CGN: variants seen among roughly 807,000 people sequenced by gnomAD.
The protein encoded by CGN is cingulin.
Under a neutral mutation model 157.1 loss-of-function variants are expected in CGN, and 121 were observed. The observed-to-expected ratio is 0.77, with a 90% confidence interval of 0.66 to 0.90. The LOEUF (loss-of-function observed/expected upper bound fraction) is 0.90, where lower values mean the gene tolerates loss of function less well. Among genes scored for constraint, CGN ranks in the 40% least tolerant of loss-of-function variants. CGN has a pLI of 0.00. For synonymous variants in CGN, 535 were observed against 607.5 expected, an observed-to-expected ratio of 0.88 and a Z score of 1.76; for missense variants, 1,424 against 1,520.9, an observed-to-expected ratio of 0.94 and a Z score of 1.06.
In CGN at chr1:151,530,673, T is replaced by G; in HGVS notation, c.2498T>G (p.Leu833Arg). 1 of 1,567,674 alleles carries G rather than the reference T, an allele frequency of 6.4e-7. No individual in the cohort carries two copies. Among genetic ancestry groups the G allele is most frequent in the Admixed American group, 1.9e-5 (1 of 52,222 alleles). Residue 833 changes from leucine (L) to arginine (R), a missense_variant, in exon 13 of 21, where the codon CTC becomes CGC. By Grantham distance (102) the Leu-to-Arg change is moderately radical. Around this residue, in one of 3 missense-constraint regions of CGN, gnomAD observed 1,187 missense variants for 1,217.6 expected, o/e 0.97. Coordinates refer to ENST00000271636, the MANE Select transcript of CGN (RefSeq NM_020770.3). ...GAGGAAGGGAAGCAGCGGGAGGTGC[T>G]CCGGCGAGGCAAGGCTGAGCTGGAG... ...LEEEGKQREVLRRGKAELEEQ... is the reference protein window; with the variant it reads ...LEEEGKQREVRRRGKAELEEQ...
In CGN at chr1:151,520,623, G is replaced by C. The variant is rs762534512; in HGVS notation, c.1072G>C (p.Val358Leu). ...GGTTTCTTCTGGTTCTACTAAGGCC[G>C]TGGCAGGGCAGGGTGAGCTTACCCG... ...VMVSSGSTKA[V>L]AGQGELTRKV... The change falls in exon 5 of 21, where the codon GTG (valine) becomes CTG (leucine). Residue 358 changes from valine (V) to leucine (L), a missense_variant. By Grantham distance (32) the Val-to-Leu change is conservative. Transcript: ENST00000271636. 5 of 1,614,214 alleles carry C rather than the reference G, an allele frequency of 3.1e-6. No homozygotes were observed. In the East Asian group the frequency reaches 1.1e-4, roughly 36 times the overall value.
At position 151,535,828 on chromosome 1, in the gene CGN, C is replaced by A. The variant is rs758650895; in HGVS notation, c.3127C>A (p.Pro1043Thr). Residue 1043 changes from proline (P) to threonine (T), a missense_variant, in exon 18 of 21, where the codon CCT becomes ACT. By Grantham distance (38) the Pro-to-Thr change is conservative. Around this residue, in one of 3 missense-constraint regions of CGN, gnomAD observed 199 missense variants for 272.2 expected, o/e 0.73. Coordinates refer to ENST00000271636, the MANE Select transcript of CGN (RefSeq NM_020770.3). ...GGCCAGCTCAGAAGGCTTCCAGAAG[C>A]CTAGTGCCAGCCTCTCTCAGCTTGA... ...RLASSEGFQK[P>T]SASLSQLESQ... is the part of the protein sequence containing the mutation. The A allele has an allele frequency of 1.2e-6, 2 of 1,614,200 alleles. No individual in the cohort carries two copies. The highest frequency in any genetic ancestry group is 1.1e-5 in the South Asian group (1 of 91,082).
At chr1:151,535,210 CCATCTTTCATCATCTG>C (rs1664942554) in intron 16 of CGN, 79 bp downstream of exon 16, 1 of 1,088,752 alleles carries the variant, frequency 9.2e-7, no homozygotes, top group Admixed American at 2.0e-5. Context: ...CTCTACCCTC[CCATCTTTCATCATCTG>C]GCTGCCGAAT....
At chr1:151,518,382 C>T in intron 1 of CGN, 124 bp from the exon 2 acceptor site, 1 of 791,156 alleles carries the variant, frequency 1.3e-6, no homozygotes, top group South Asian at 2.0e-5. Context: ...CTCCAGGGGC[C>T]TTCTGTTAGT....
intron 14 of CGN, among the ~76,000 whole-genome samples, chr1:151,533,435 C>T (rs1336801901): frequency 1.3e-5 from 2 of 151,190 alleles, no homozygotes. Context: ...GCGATTGTGC[C>T]ACTGCATTCC....
chr1:151,536,936 G>A (rs1000541504), intron 20 of CGN, 43 bp downstream of exon 20: 1 of 1,594,536 alleles, frequency 6.3e-7, no homozygotes, highest in Admixed American at 1.7e-5. Context: ...GGACACTAGA[G>A]CAGGGAGGGA....
chr1:151,515,795 T>G (rs759729675), intron 1 of CGN, among the ~76,000 whole-genome samples: 2 of 152,196 alleles, frequency 1.3e-5, no homozygotes, highest in Non-Finnish European at 2.9e-5. Context: ...TGCCTCAGGT[T>G]GCATACATCA....
intron 14 of CGN, 133 bp downstream of exon 14, chr1:151,532,705 T>C: frequency 1.5e-6 from 1 of 645,472 alleles, no homozygotes; most frequent in Admixed American, 4.3e-5. Flanking sequence ...CTGCAAGCTC[T>C]GCCTCCGGGG....
chr1:151,511,213 T>A (rs1468256257), upstream of CGN, among the ~76,000 whole-genome samples: 1 of 152,124 alleles, frequency 6.6e-6, no homozygotes, highest in East Asian at 1.9e-4. The surrounding 1 kb of genome is among the most constrained non-coding windows in gnomAD (Gnocchi z 4.8). Context: ...TGGGTCCACG[T>A]GACCTGGCCC....
chr1:151,524,543 T>C lies in CGN; in HGVS notation c.1402-131T>C. On this transcript the variant is annotated intron_variant, in intron 7 of 20. Coordinates refer to ENST00000271636, the MANE Select transcript of CGN (RefSeq NM_020770.3). The surrounding 1 kb of genome is among the most constrained non-coding windows in gnomAD (Gnocchi z 4.4). ...TTAGGATAAAGGAAACCTATCATTC[T>C]GGGCTCCAGTACTGGTACTAGAGCA... is the stretch of plus-strand genomic sequence containing the variant. 8.6e-7 allele frequency: 1 copy of C among 1,167,028 alleles called. No homozygotes were observed. The highest frequency in any genetic ancestry group is 1.4e-5 in the South Asian group (1 of 70,838). The allele number at this position is 1,167,028 out of a possible 1,614,324, so 72.3% of individuals were successfully genotyped here.
chr1:151,529,219 G>A (rs1664769177), intron 10 of CGN, 131 bp from the exon 11 acceptor site: 2 of 695,144 alleles, frequency 2.9e-6, no homozygotes, highest in South Asian at 3.9e-5. Context: ...TTGAGAAACT[G>A]CCAAACTACT....
In CGN at chr1:151,518,956, C is replaced by T. The variant is rs2102489043; in HGVS notation, c.437C>T (p.Pro146Leu). ...CAGGCCTCACTGGCAGGCCCTGGCC[C>T]AGTGGATCCTAGTAACAGAAGCAAC... Reference protein sequence around the residue: ...HSQASLAGPGPVDPSNRSNSM... With the variant: ...HSQASLAGPGLVDPSNRSNSM... The change falls in exon 2 of 21, where the codon CCA becomes CTA. Residue 146 changes from proline (P) to leucine (L), a missense_variant. Pro to Leu is a moderately conservative substitution (Grantham distance 98). Around this residue, in one of 3 missense-constraint regions of CGN, gnomAD observed 1,187 missense variants for 1,217.6 expected, o/e 0.97. Coordinates refer to ENST00000271636, the MANE Select transcript of CGN (RefSeq NM_020770.3). The T allele has an allele frequency of 6.2e-7, 1 of 1,614,206 alleles. No homozygotes were observed. Among genetic ancestry groups the T allele is most frequent in the Non-Finnish European group, 8.5e-7 (1 of 1,180,042 alleles).
intron 1 of CGN, 100 bp from the exon 2 acceptor site, chr1:151,518,406 G>A: frequency 1.0e-6 from 1 of 1,000,962 alleles, no homozygotes; most frequent in Non-Finnish European, 1.5e-6. Flanking sequence ...AGAATCAGTG[G>A]TTTATCTAGT....
At chr1:151,527,924 C>A (rs189414087) in intron 10 of CGN, 2 of 285,824 alleles carry the variant, frequency 7.0e-6, no homozygotes, top group South Asian at 3.0e-5. Flanking sequence ...TTGGAGATCC[C>A]ATGGCCACAC....
In CGN at chr1:151,520,686, G is replaced by A. The variant is rs201806613; in HGVS notation, c.1135G>A (p.Val379Met). The change falls in exon 5 of 21, where the codon GTG (valine) becomes ATG (methionine). Residue 379 changes from valine (V) to methionine (M), a missense_variant. Val to Met is a conservative substitution (Grantham distance 21, BLOSUM62 1). Coordinates refer to ENST00000271636, the MANE Select transcript of CGN (RefSeq NM_020770.3). Reference protein sequence around the residue: ...EELQRKLDEEVKKRQKLEPSQ... With the variant: ...EELQRKLDEEMKKRQKLEPSQ... ...GCTACAGCGAAAGCTGGATGAAGAG[G>A]TGAAGGTAAGGAAAGGTTAGAGGTG... is the stretch of plus-strand genomic sequence containing the variant. The A allele has an allele frequency of 2.5e-5, 40 of 1,613,128 alleles. No individual in the cohort carries two copies. In the East Asian group the frequency reaches 8.0e-4, roughly 32 times the overall value.
At chr1:151,535,240 T>G (rs1490331628) in intron 16 of CGN, 109 bp downstream of exon 16, 2 of 868,180 alleles carry the variant, frequency 2.3e-6, no homozygotes, top group Non-Finnish European at 1.8e-6. Context: ...GCCGAATCTG[T>G]GCGTGGCTGG....
At chr1:151,534,838 G>A (rs975054888) in intron 15 of CGN, 4 of 551,534 alleles carry the variant, frequency 7.3e-6, no homozygotes, top group Non-Finnish European at 1.3e-5. Context: ...CCAGAGCATG[G>A]CCCCGACCTG....
At chr1:151,532,659 G>C (rs1001489324) in intron 14 of CGN, 87 bp downstream of exon 14, 6 of 1,087,448 alleles carry the variant, frequency 5.5e-6, no homozygotes, top group Middle Eastern at 3.5e-4. Flanking sequence ...TCACTCTGTC[G>C]CCCAGGCTGG....
intron 1 of CGN, among the ~76,000 whole-genome samples, chr1:151,514,867 A>T (rs1664373692): frequency 6.6e-6 from 1 of 152,160 alleles, no homozygotes; most frequent in African/African-American, 2.4e-5. Flanking sequence ...GTGAAGCCAA[A>T]AGTGCCTGTT....
Sources: allele counts gnomAD v4.1 joint callset (sites outside exome capture counted in the v4.1 genomes callset), GRCh38; gene constraint gnomAD v4.1.1; regional missense constraint gnomAD v4.1.1; non-coding constraint Gnocchi (gnomAD v3.1); transcripts MANE v1.5; gene names NCBI Gene and HGNC (gene_info 2026-07-23, HGNC 2026-07-21).